The following ACVR1B variants were observed in gnomAD, a reference collection of about 807,000 sequenced individuals.
ACVR1B encodes the protein activin A receptor type 1B, also known as activin receptor type-1B.
In ACVR1B, 15 loss-of-function variants were observed where a neutral mutation model predicts 55.6. The ratio of observed to expected loss-of-function variants is 0.27; its 90% CI spans 0.18 to 0.42. The LOEUF (loss-of-function observed/expected upper bound fraction) is 0.42. Among genes scored for constraint, ACVR1B ranks in the 10% least tolerant of loss-of-function variants. ACVR1B has a pLI of 1.00. For synonymous variants in ACVR1B, 247 were observed against 254.6 expected, an observed-to-expected ratio of 0.97 and a Z score of 0.28; for missense variants, 359 against 670.1, an observed-to-expected ratio of 0.54 and a Z score of 5.13.
chr12:51,980,038 G>C (rs147014058), intron 3 of ACVR1B, among the ~76,000 whole-genome samples: 1 of 152,274 alleles, frequency 6.6e-6, no homozygotes, highest in Non-Finnish European at 1.5e-5. Context: ...GACAGTCCTA[G>C]ATTTTAAGCC....
intron 7 of ACVR1B, 144 bp from the exon 8 acceptor site, chr12:51,991,719 G>C: frequency 3.2e-6 from 3 of 932,356 alleles, no homozygotes; most frequent in Non-Finnish European, 3.2e-6. Context: ...TGTATTTCTT[G>C]TTCCATACTT....
At chr12:51,990,263 A>T (rs374954806) in intron 7 of ACVR1B, among the ~76,000 whole-genome samples, 2 of 149,878 alleles carry the variant, frequency 1.3e-5, no homozygotes, top group East Asian at 4.0e-4. Context: ...ATTGCACTCC[A>T]GCCTGGGTGG....
At position 51,990,602 on chromosome 12, in the gene ACVR1B, C is replaced by T. The variant is rs11169972; in HGVS notation, c.1262-1261C>T. Among the ~76,000 whole-genome samples, 2,376 of 152,216 alleles carry T rather than the reference C, an allele frequency of 0.016. 403 individuals are homozygous for T. In the East Asian group the frequency reaches 0.39, roughly 25 times the overall value. ...AAGTGCTAGAATTAGAGGTGTGAGC[C>T]ATTGTGCCTGGCAAACATTAATGTC... is the stretch of plus-strand genomic sequence containing the variant. On this transcript the variant is annotated intron_variant, in intron 7 of 8. Transcript: ENST00000257963.
chr12:51,980,262 T>A (rs1205681615), intron 3 of ACVR1B, among the ~76,000 whole-genome samples: 2 of 152,200 alleles, frequency 1.3e-5, no homozygotes, highest in Non-Finnish European at 2.9e-5. Flanking sequence ...GACCTAGGGA[T>A]TAATAATGTA....
chr12:51,984,508 G>A (rs1942042365), intron 5 of ACVR1B, among the ~76,000 whole-genome samples: 1 of 152,230 alleles, frequency 6.6e-6, no homozygotes, highest in Non-Finnish European at 1.5e-5. Context: ...AGATAAACCA[G>A]TGTACTGGGA....
intron 3 of ACVR1B, among the ~76,000 whole-genome samples, chr12:51,978,681 A>G (rs191076354): frequency 0.032 from 2,356 of 72,950 alleles, 66 homozygotes; most frequent in African/African-American, 0.11. Flanking sequence ...AATACAAAAA[A>G]TTAGCCGGGC....
intron 2 of ACVR1B, 45 bp from the exon 3 acceptor site, chr12:51,976,282 G>A (rs769336343): frequency 6.2e-6 from 10 of 1,610,310 alleles, no homozygotes; most frequent in South Asian, 4.4e-5. Context: ...TCTTTCCCTT[G>A]TTTTTACTTC....
rs549169981 is a variant in ACVR1B, at chr12:51,976,525, A to G, written c.530A>G (p.Lys177Arg). 10 of 1,614,080 alleles carry G rather than the reference A, an allele frequency of 6.2e-6. No homozygotes were observed. The highest frequency in any genetic ancestry group is 5.0e-5 in the Admixed American group (3 of 60,028). ...TGTGAGATGTGTCTCTCCAAAGACAAGACGCTCCAGGATCTTGTCTACGAT... is the reference window on the plus strand; with the variant it reads ...TGTGAGATGTGTCTCTCCAAAGACAGGACGCTCCAGGATCTTGTCTACGAT... ...PSCEMCLSKDKTLQDLVYDLS... is the reference protein window; with the variant it reads ...PSCEMCLSKDRTLQDLVYDLS... Residue 177 changes from lysine to arginine, a missense_variant, in exon 3 of 9, where the codon AAG becomes AGG. Transcript: ENST00000257963.
At chr12:51,964,974 G>T (rs1033375945) in intron 1 of ACVR1B, among the ~76,000 whole-genome samples, 1 of 150,776 alleles carries the variant, frequency 6.6e-6, no homozygotes, top group Admixed American at 6.6e-5. Context: ...TTTGGGATCG[G>T]CTTTTTCATT....
In ACVR1B at chr12:51,992,742, G is replaced by T. The variant is rs576692392; in HGVS notation, c.1392+749G>T. ...TTTCCAGAAACTCAGAAGGGAGGAGGTGATGTGTATGACAGGGCTGGGATT... is the reference window on the plus strand; with the variant it reads ...TTTCCAGAAACTCAGAAGGGAGGAGTTGATGTGTATGACAGGGCTGGGATT... On this transcript the variant is annotated intron_variant, in intron 8 of 8. Transcript: ENST00000257963. Among the ~76,000 whole-genome samples the T allele has an allele frequency of 1.1e-3, 160 of 152,314 alleles. 1 individual carries two copies. Among genetic ancestry groups the T allele is most frequent in the African/African-American group, 3.2e-3 (133 of 41,566 alleles).
At chr12:51,990,663 C>T (rs761067513) in intron 7 of ACVR1B, among the ~76,000 whole-genome samples, 2 of 152,112 alleles carry the variant, frequency 1.3e-5, no homozygotes, top group African/African-American at 4.8e-5. Flanking sequence ...TTTCCCCAGT[C>T]TCCTAAATTT....
rs1184923946 is a variant in ACVR1B, at chr12:51,996,071, C to G, written c.*1961C>G. 1 of 152,072 alleles carries G rather than the reference C, an allele frequency of 6.6e-6. No individual in the cohort carries two copies. Among genetic ancestry groups the G allele is most frequent in the African/African-American group, 2.4e-5 (1 of 41,392 alleles). The allele number at this position is 152,072 out of a possible 1,614,324, so 9.4% of individuals were successfully genotyped here. On this transcript the variant is annotated 3_prime_UTR_variant, in exon 9 of 9. Transcript: ENST00000257963. ...AAGGTTTCATAATTGGTTCTACGAC[C>G]CTTTTGAGCCTAGAATTATTGTTCT...
rs555011593 is a variant in ACVR1B at position 51,953,275 on chromosome 12, A to G, written c.91+1441A>G. ...TTTAATAAACCAGACAGTCAAGAAAAGACACCATGCCACTTTGGAATCTCA... is the reference window on the plus strand; with the variant it reads ...TTTAATAAACCAGACAGTCAAGAAAGGACACCATGCCACTTTGGAATCTCA... On this transcript the variant is annotated intron_variant, in intron 1 of 8. Coordinates refer to ENST00000257963, the MANE Select transcript of ACVR1B (RefSeq NM_004302.5). 3.9e-5 allele frequency: 36 copies of G among 917,620 alleles called. No homozygotes were observed. In the African/African-American group the frequency reaches 5.9e-4, roughly 15 times the overall value. 56.8% of individuals were successfully genotyped at this position (917,620 alleles called of 1,614,324 possible).
In ACVR1B at chr12:51,984,085, A is replaced by G. The variant is rs534565647; in HGVS notation, c.898A>G (p.Thr300Ala). 6.2e-7 allele frequency: 1 copy of G among 1,614,200 alleles called. No individual in the cohort carries two copies. The highest frequency in any genetic ancestry group is 1.1e-5 in the South Asian group (1 of 91,088). The stretch of plus-strand genomic sequence containing the variant: ...TGATTATCTGAACCGGTACACAGTG[A>G]CAATTGAGGGGATGATTAAGCTGGC... ...LFDYLNRYTV[T>A]IEGMIKLALS... Residue 300 changes from threonine (T) to alanine (A), a missense_variant, in exon 5 of 9, where the codon ACA (threonine) becomes GCA (alanine). Thr to Ala is a moderately conservative substitution (Grantham distance 58). Transcript: ENST00000257963.
intron 7 of ACVR1B, among the ~76,000 whole-genome samples, chr12:51,989,252 T>C (rs1274357894): frequency 1.3e-5 from 2 of 152,208 alleles, no homozygotes; most frequent in Non-Finnish European, 2.9e-5. Flanking sequence ...TTTTTCTTTT[T>C]CTGGAAAAGG....
At chr12:51,965,303 A>G (rs1246207008) in intron 1 of ACVR1B, among the ~76,000 whole-genome samples, 1 of 152,198 alleles carries the variant, frequency 6.6e-6, no homozygotes, top group Non-Finnish European at 1.5e-5. Context: ...ACGAGGAAAC[A>G]TGGATTAATT....
Position 51,994,391 on chromosome 12 carries a change from G to A in ACVR1B, c.*281G>A, listed in dbSNP as rs187097896. ...CGAACTGGTTGTAGTGGGAAGTCCC[G>A]CGAAACCCGGTGCATCTGGCACGTG... is the stretch of plus-strand genomic sequence containing the variant. On this transcript the variant is annotated 3_prime_UTR_variant, in exon 9 of 9. Coordinates refer to ENST00000257963, the MANE Select transcript of ACVR1B (RefSeq NM_004302.5). The surrounding 1 kb of genome is among the most constrained non-coding windows in gnomAD (Gnocchi z 4.2). 51 of 369,742 alleles carry A rather than the reference G, an allele frequency of 1.4e-4. No homozygotes were observed. Among genetic ancestry groups the A allele is most frequent in the Admixed American group, 5.9e-4 (13 of 21,974 alleles). 22.9% of individuals were successfully genotyped at this position (369,742 alleles called of 1,614,324 possible). A position where few individuals can be genotyped will look rare whatever the true frequency, so the allele number is the denominator to read the frequency against.
At chr12:51,972,595 A>G (rs934958158) in intron 1 of ACVR1B, among the ~76,000 whole-genome samples, 4 of 152,146 alleles carry the variant, frequency 2.6e-5, no homozygotes, top group African/African-American at 9.7e-5. Flanking sequence ...CACTTTACAG[A>G]TTAGGAAACG....
At chr12:51,953,359 C>T (rs1941347516) in intron 1 of ACVR1B, 2 of 985,266 alleles carry the variant, frequency 2.0e-6, no homozygotes, top group African/African-American at 1.7e-5. Flanking sequence ...GCCTGTGCAG[C>T]GGGGTCTTTG....
Sources: allele counts gnomAD v4.1 joint callset (sites outside exome capture counted in the v4.1 genomes callset), GRCh38; gene constraint gnomAD v4.1.1; non-coding constraint Gnocchi (gnomAD v3.1); transcripts MANE v1.5; gene names NCBI Gene and HGNC (gene_info 2026-07-23, HGNC 2026-07-21).